The following SHANK2 variants were observed in gnomAD, a reference collection of about 807,000 sequenced individuals.
SHANK2 encodes SH3 and multiple ankyrin repeat domains 2.
In SHANK2, 43 loss-of-function variants were observed where a neutral mutation model predicts 133.7. The ratio of observed to expected loss-of-function variants is 0.32; its 90% CI spans 0.25 to 0.41. The LOEUF is 0.41. Ranked by LOEUF, SHANK2 falls within the 10% of genes least tolerant of loss-of-function variation. The probability of loss-of-function intolerance (pLI) is 1.00; values close to 1 mark genes in which losing one functional copy is unlikely to be tolerated. For missense variants in SHANK2, 1,994 were observed against 2,235.8 expected, an observed-to-expected ratio of 0.89 and a Z score of 2.18; for synonymous variants, 1,017 against 952.8, an observed-to-expected ratio of 1.07 and a Z score of -1.24.
At chr11:71,133,191 T>C (rs1344801104) in intron 3 of SHANK2, among the ~76,000 whole-genome samples, 2 of 146,566 alleles carry the variant, frequency 1.4e-5, no homozygotes, top group African/African-American at 5.1e-5. Flanking sequence ...AGTGGATGCA[T>C]GGATGGGTGG....
At chr11:70,722,530 T>G (rs1555029476) in intron 14 of SHANK2, among the ~76,000 whole-genome samples, 1 of 152,246 alleles carries the variant, frequency 6.6e-6, no homozygotes, top group Admixed American at 6.5e-5. Flanking sequence ...CTGCATGGAT[T>G]CATAAAAGGT....
At chr11:70,876,384 C>T (rs879970610) in intron 11 of SHANK2, among the ~76,000 whole-genome samples, 6 of 150,818 alleles carry the variant, frequency 4.0e-5, no homozygotes, top group Non-Finnish European at 8.8e-5. Flanking sequence ...CACGGTGAAA[C>T]CTCATCTCTA....
chr11:70,553,657 G>A (rs553538693), intron 17 of SHANK2, among the ~76,000 whole-genome samples: 2 of 152,302 alleles, frequency 1.3e-5, no homozygotes, highest in East Asian at 1.9e-4. Flanking sequence ...CTCTTTCACC[G>A]AGGGCCATGC....
intron 17 of SHANK2, among the ~76,000 whole-genome samples, chr11:70,625,306 CT>C (rs2060890302): frequency 6.6e-6 from 1 of 152,160 alleles, no homozygotes; most frequent in Non-Finnish European, 1.5e-5. Context: ...TTTGCTGGGG[CT>C]CTGTCACACA....
intron 17 of SHANK2, among the ~76,000 whole-genome samples, chr11:70,636,880 A>T (rs890475771): frequency 9.9e-5 from 15 of 151,932 alleles, no homozygotes; most frequent in Non-Finnish European, 1.9e-4. Flanking sequence ...GTGTGTGCAC[A>T]TGGTAGCATG....
At chr11:70,903,947 G>A (rs1950061432) in intron 10 of SHANK2, among the ~76,000 whole-genome samples, 1 of 152,172 alleles carries the variant, frequency 6.6e-6, no homozygotes, top group South Asian at 2.1e-4. Context: ...TGTGTAAGCA[G>A]GTAAGGCCCA....
At chr11:71,119,798 T>C (rs539183741) in intron 3 of SHANK2, among the ~76,000 whole-genome samples, 1 of 152,134 alleles carries the variant, frequency 6.6e-6, no homozygotes, top group Non-Finnish European at 1.5e-5. Flanking sequence ...AATCCCAAGG[T>C]GCTACTGCTG....
intron 3 of SHANK2, among the ~76,000 whole-genome samples, chr11:71,137,296 A>C: frequency 9.9e-6 from 1 of 100,988 alleles, no homozygotes; most frequent in Admixed American, 1.1e-4. Flanking sequence ...TAAAATCCTT[A>C]CTTAAAAAAA....
chr11:70,706,359 C>G (rs1208340498), intron 14 of SHANK2, among the ~76,000 whole-genome samples: 2 of 152,128 alleles, frequency 1.3e-5, no homozygotes, highest in African/African-American at 4.8e-5. Flanking sequence ...ACCCTTGGAC[C>G]CTTTGCTCAT....
chr11:70,539,755 G>A (rs2059593816), intron 17 of SHANK2, among the ~76,000 whole-genome samples: 1 of 152,108 alleles, frequency 6.6e-6, no homozygotes, highest in South Asian at 2.1e-4. Flanking sequence ...GGGGTTTCCA[G>A]GGAGTGCGCT....
At chr11:70,657,615 A>G (rs1360471320) in intron 17 of SHANK2, among the ~76,000 whole-genome samples, 1 of 152,156 alleles carries the variant, frequency 6.6e-6, no homozygotes, top group Non-Finnish European at 1.5e-5. Context: ...GCAGCCTCGT[A>G]GGGCTGTGGA....
intron 2 of SHANK2, among the ~76,000 whole-genome samples, chr11:71,173,229 C>G (rs1432882760): frequency 1.3e-5 from 2 of 152,252 alleles, no homozygotes; most frequent in East Asian, 3.8e-4. Flanking sequence ...TGTCTCACCC[C>G]TCATGGAGGA....
chr11:70,903,409 A>ATAAAC (rs1555077235), intron 10 of SHANK2, among the ~76,000 whole-genome samples: 1 of 142,782 alleles, frequency 7.0e-6, no homozygotes, highest in African/African-American at 2.8e-5. Flanking sequence ...ATAAAATAAA[A>ATAAAC]TAAAATAAAA....
At chr11:70,628,158 C>T (rs2060929587) in intron 17 of SHANK2, among the ~76,000 whole-genome samples, 1 of 152,150 alleles carries the variant, frequency 6.6e-6, no homozygotes, top group Non-Finnish European at 1.5e-5. Flanking sequence ...CGGGGTTTCA[C>T]CATGTTGGCC....
chr11:70,892,438 T>G (rs1590804375), intron 11 of SHANK2, among the ~76,000 whole-genome samples: 1 of 152,086 alleles, frequency 6.6e-6, no homozygotes, highest in African/African-American at 2.4e-5. Context: ...TGGTTCTAGG[T>G]CCAGCCTCTA....
At chr11:70,893,620 C>T (rs1473607608) in intron 11 of SHANK2, among the ~76,000 whole-genome samples, 8 of 152,354 alleles carry the variant, frequency 5.3e-5, no homozygotes, top group East Asian at 1.9e-4. Flanking sequence ...TTCATAATCA[C>T]GAACCCTTAG....
chr11:70,487,833 G>C lies in SHANK2; in HGVS notation c.2573-113C>G, dbSNP rs909434381. On this transcript the variant is annotated intron_variant, in intron 24 of 25. Coordinates refer to ENST00000601538, the MANE Select transcript of SHANK2 (RefSeq NM_012309.5). This position sits in a 1 kb window ranked among gnomAD's most constrained non-coding sequence, Gnocchi z 5.8. ...AACTCACAAATTCAGATGATGAACC[G>C]GATGTTCAGGAAACACAGCACAAGC... The C allele has an allele frequency of 1.9e-6, 3 of 1,541,508 alleles. No individual in the cohort carries two copies. The South Asian group carries it at 3.6e-5, about 19-fold the overall frequency.
Position 70,781,781 on chromosome 11 carries a change from T to C in SHANK2, c.1777+16662A>G, listed in dbSNP as rs1444215043. 2.0e-4 allele frequency among the ~76,000 whole-genome samples: 23 copies of C among 113,000 alleles called. 1 individual carries two copies. The Admixed American group carries it at 2.7e-3, about 13-fold the overall frequency. 74.1% of individuals were successfully genotyped at this position (113,000 alleles called of 152,430 possible). Reference sequence around the variant, plus strand: ...CCCAGTGTGATGTTCCAAAGGAATATAAATCATGCTACTGTAAAGACACAT... The same window carrying C: ...CCCAGTGTGATGTTCCAAAGGAATACAAATCATGCTACTGTAAAGACACAT... On this transcript the variant is annotated intron_variant, in intron 14 of 25. Transcript: ENST00000601538.
At chr11:70,592,377 G>A (rs1357595899) in intron 17 of SHANK2, among the ~76,000 whole-genome samples, 1 of 152,174 alleles carries the variant, frequency 6.6e-6, no homozygotes, top group African/African-American at 2.4e-5. Flanking sequence ...GGAGTGAGAG[G>A]CAGGACTTCT....
Sources: gnomAD v4.1 joint callset for allele counts (sites outside exome capture counted in the v4.1 genomes callset) on GRCh38, gnomAD v4.1.1 for gene constraint, Gnocchi (gnomAD v3.1) non-coding constraint, MANE v1.5 for transcripts, NCBI Gene and HGNC (gene_info 2026-07-23, HGNC 2026-07-21) for gene names.